TCF7L2: variants seen among roughly 807,000 people sequenced by gnomAD.
TCF7L2 encodes the protein transcription factor 7 like 2, also known as transcription factor 7-like 2.
A neutral mutation model predicts 77.9 loss-of-function variants in TCF7L2; 23 were observed. The ratio of observed to expected loss-of-function variants is 0.30; its 90% CI spans 0.21 to 0.42. TCF7L2 has a LOEUF of 0.42. Among genes scored for constraint, TCF7L2 ranks in the 10% least tolerant of loss-of-function variants. The pLI is 1.00. For missense variants in TCF7L2, 654 were observed against 793.1 expected (o/e 0.82, Z 2.11); for synonymous variants, 413 against 340.2 (o/e 1.21, Z -2.36).
chr10:113,089,369 T>G (rs968666681), intron 5 of TCF7L2: 7 of 1,607,438 alleles, frequency 4.4e-6, no homozygotes, highest in Non-Finnish European at 5.9e-6. Context: ...CTCCCGAGCC[T>G]TACTCTGTTC....
chr10:113,082,262 A>G (rs1352420052), intron 5 of TCF7L2, among the ~76,000 whole-genome samples: 1 of 152,128 alleles, frequency 6.6e-6, no homozygotes, highest in Non-Finnish European at 1.5e-5. Flanking sequence ...TTTAGTGTCA[A>G]TACAGTTAAA....
At chr10:113,064,574 C>T (rs2056985449) in intron 5 of TCF7L2, among the ~76,000 whole-genome samples, 2 of 152,252 alleles carry the variant, frequency 1.3e-5, no homozygotes, top group Non-Finnish European at 2.9e-5. Context: ...AGCCTTGCTG[C>T]TGGTGAAGGT....
chr10:113,164,491 T>C (rs1007108456), intron 13 of TCF7L2, among the ~76,000 whole-genome samples: 2 of 152,016 alleles, frequency 1.3e-5, no homozygotes, highest in African/African-American at 2.4e-5. Flanking sequence ...TTGACTAGCC[T>C]TGGCATATTG....
intron 12 of TCF7L2, 76 bp downstream of exon 14, chr10:113,160,068 T>G: frequency 1.3e-5 from 17 of 1,291,378 alleles, no homozygotes; most frequent in Non-Finnish European, 1.7e-5. Context: ...CTCTGGCCTG[T>G]TGCTTTGTAG....
At chr10:113,036,125 C>CATCATCATCATCATCATCATA (rs2051182619) in intron 4 of TCF7L2, among the ~76,000 whole-genome samples, 1 of 58,948 alleles carries the variant, frequency 1.7e-5, no homozygotes, top group African/African-American at 1.1e-4. Context: ...CCATCATCAT[C>CATCATCATCATCATCATCATA]ATCATCATCA....
intron 7 of TCF7L2, 119 bp from the exon 8 acceptor site, chr10:113,145,892 G>A (rs1306175790): frequency 7.5e-6 from 6 of 804,420 alleles, no homozygotes; most frequent in Middle Eastern, 2.3e-4. Context: ...CAAGATTTTT[G>A]TTCTGATCAA....
chr10:113,004,669 T>G (rs765327184), intron 4 of TCF7L2, among the ~76,000 whole-genome samples: 11 of 152,086 alleles, frequency 7.2e-5, no homozygotes, highest in Non-Finnish European at 1.6e-4. Flanking sequence ...AGGGTTCCAT[T>G]TCTTTTTTAT....
Position 113,028,336 on chromosome 10 carries a change from A to AGAAGGTCAGCCTCCC in TCF7L2, c.451-11687_451-11673dup, listed in dbSNP as rs768688155. On this transcript the variant is annotated intron_variant, in intron 4 of 13. Coordinates refer to ENST00000627217, the MANE Select transcript of TCF7L2 (RefSeq NM_001146274.2). ...CATGCAGGGGGGTCGTGGGGCCTCC[A>AGAAGGTCAGCCTCCC]GAAGGTCAGCCTCCCGTAAATCTTC... Among the ~76,000 whole-genome samples the AGAAGGTCAGCCTCCC allele has an allele frequency of 2.0e-4, 31 of 152,268 alleles. No individual in the cohort carries two copies. In the East Asian group the frequency reaches 2.1e-3, roughly 10 times the overall value.
chr10:113,141,393 A>G lies in TCF7L2; in HGVS notation c.685+77A>G, dbSNP rs911638330. ...GGGAACCTTTGAGGCCTCCACAGGAACCCCAGGGGTGGAGCAGTAGGGGAC... is the reference window on the plus strand; with the variant it reads ...GGGAACCTTTGAGGCCTCCACAGGAGCCCCAGGGGTGGAGCAGTAGGGGAC... On this transcript the variant is annotated intron_variant, in intron 6 of 13. Transcript: ENST00000627217. 1.9e-6 allele frequency: 3 copies of G among 1,594,210 alleles called. No individual in the cohort carries two copies. The African/African-American group carries it at 4.0e-5, about 21-fold the overall frequency.
chr10:112,962,857 C>A lies in TCF7L2; in HGVS notation c.382-1699C>A, dbSNP rs547514652. 4.1e-3 allele frequency among the ~76,000 whole-genome samples: 623 copies of A among 152,290 alleles called. 5 individuals are homozygous for A. The highest frequency in any genetic ancestry group is 0.014 in the African/African-American group (592 of 41,558). ...CAGGTGATCTGCCCGCCTCAGCCCCCCAAAGTGCTGGGATTACAGGCGTGA... is the reference window on the plus strand; with the variant it reads ...CAGGTGATCTGCCCGCCTCAGCCCCACAAAGTGCTGGGATTACAGGCGTGA... On this transcript the variant is annotated intron_variant, in intron 3 of 13. Coordinates refer to ENST00000627217, the MANE Select transcript of TCF7L2 (RefSeq NM_001146274.2).
intron 4 of TCF7L2, among the ~76,000 whole-genome samples, chr10:113,035,539 A>G (rs143523577): frequency 1.4e-3 from 218 of 152,082 alleles, no homozygotes; most frequent in Admixed American, 2.6e-3. Context: ...GCAGCGTGAA[A>G]CTCCTGGGCT....
intron 5 of TCF7L2, among the ~76,000 whole-genome samples, chr10:113,071,851 C>T (rs188054559): frequency 9.8e-4 from 150 of 152,326 alleles, no homozygotes; most frequent in African/African-American, 3.5e-3. Context: ...GACTCCCCCC[C>T]ACCCCCCATG....
chr10:113,051,968 A>G (rs1423176961), intron 5 of TCF7L2, among the ~76,000 whole-genome samples: 1 of 152,206 alleles, frequency 6.6e-6, no homozygotes, highest in Non-Finnish European at 1.5e-5. Context: ...TTTAACCTGT[A>G]TCGTGTAGTC....
At position 113,059,613 on chromosome 10, in the gene TCF7L2, T is replaced by G. The variant is rs1468510130; in HGVS notation, c.552+19487T>G. ...CAGGCTTTAACGTGCCTAGTGGAAA[T>G]TGACAGTCTGAGAACTGGGACATAA... On this transcript the variant is annotated intron_variant, in intron 5 of 13. Coordinates refer to ENST00000627217, the MANE Select transcript of TCF7L2 (RefSeq NM_001146274.2). Among the ~76,000 whole-genome samples, 8 of 152,016 alleles carry G rather than the reference T, an allele frequency of 5.3e-5. No homozygotes were observed. In the South Asian group the frequency reaches 1.7e-3, roughly 32 times the overall value.
intron 4 of TCF7L2, among the ~76,000 whole-genome samples, chr10:113,011,158 G>A (rs963585408): frequency 1.2e-4 from 18 of 152,298 alleles, no homozygotes; most frequent in African/African-American, 4.1e-4. Context: ...GTGGTTCCTG[G>A]GAGACTGGAA....
chr10:112,965,413 A>G (rs1434396394), intron 4 of TCF7L2, among the ~76,000 whole-genome samples: 2 of 152,216 alleles, frequency 1.3e-5, no homozygotes, highest in African/African-American at 4.8e-5. Flanking sequence ...GGATGGATGT[A>G]CCTCATGGTG....
At chr10:113,130,991 C>G (rs2066500994) in intron 5 of TCF7L2, among the ~76,000 whole-genome samples, 1 of 152,086 alleles carries the variant, frequency 6.6e-6, no homozygotes, top group Non-Finnish European at 1.5e-5. Flanking sequence ...GTCTTGAACT[C>G]CTGACCTCAG....
At chr10:113,115,576 G>A (rs2063614179) in intron 5 of TCF7L2, among the ~76,000 whole-genome samples, 1 of 152,144 alleles carries the variant, frequency 6.6e-6, no homozygotes, top group Non-Finnish European at 1.5e-5. Flanking sequence ...ACGGAACGTT[G>A]TGATGAACAC....
At chr10:113,145,887 T>C in intron 7 of TCF7L2, 124 bp from the exon 8 acceptor site, 1 of 781,642 alleles carries the variant, frequency 1.3e-6, no homozygotes, top group Non-Finnish European at 2.1e-6. Flanking sequence ...ATCCCCAAGA[T>C]TTTTGTTCTG....
Sources: gnomAD v4.1 joint callset for allele counts (sites outside exome capture counted in the v4.1 genomes callset) on GRCh38, gnomAD v4.1.1 for gene constraint, MANE v1.5 for transcripts, NCBI Gene and HGNC (gene_info 2026-07-23, HGNC 2026-07-21) for gene names.